DSCAM: variants seen among roughly 807,000 people sequenced by gnomAD.
DSCAM encodes the protein DS cell adhesion molecule, also known as cell adhesion molecule DSCAM.
Under a neutral mutation model 217.7 loss-of-function variants are expected in DSCAM, and 47 were observed. The ratio of observed to expected loss-of-function variants is 0.22; its 90% CI spans 0.17 to 0.28. DSCAM has a LOEUF of 0.28. DSCAM is among the 10% of genes least tolerant of loss of function. The pLI is 1.00. For missense variants in DSCAM, 2,080 were observed against 2,618.3 expected (o/e 0.79, Z 4.49); for synonymous variants, 1,056 against 1,015.3 (o/e 1.04, Z -0.76).
chr21:40,461,453 C>T (rs998169589), intron 3 of DSCAM, among the ~76,000 whole-genome samples: 2 of 152,110 alleles, frequency 1.3e-5, no homozygotes, highest in Non-Finnish European at 2.9e-5. Flanking sequence ...CCCTGGGTTC[C>T]AGCAGTTTAG....
intron 30 of DSCAM, among the ~76,000 whole-genome samples, chr21:40,049,399 G>T (rs2088892681): frequency 6.6e-6 from 1 of 152,106 alleles, no homozygotes; most frequent in African/African-American, 2.4e-5. Flanking sequence ...CTCTGATCTT[G>T]TTTCATGTCT....
intron 31 of DSCAM, 144 bp from the exon 32 acceptor site, chr21:40,042,817 T>C: frequency 1.3e-6 from 1 of 762,904 alleles, no homozygotes; most frequent in South Asian, 1.9e-5. Context: ...CGGAGGCTCC[T>C]GCCTTAGGCA....
rs541069289 is a variant in DSCAM at position 40,570,183 on chromosome 21, CCA to C, written c.508+122625_508+122626del. 8.9e-4 allele frequency among the ~76,000 whole-genome samples: 135 copies of C among 152,250 alleles called. 1 individual carries two copies. The highest frequency in any genetic ancestry group is 8.8e-3 in the Admixed American group (135 of 15,298). On this transcript the variant is annotated intron_variant, in intron 3 of 32. Transcript: ENST00000400454. The stretch of plus-strand genomic sequence containing the variant: ...AAGCTGTAAAGCAGAAAGAGATCTC[CCA>C]CAGTTTGGAAAGCTGGTTACTGGTC...
chr21:40,019,944 C>T (rs886410372), intron 32 of DSCAM, among the ~76,000 whole-genome samples: 1 of 152,174 alleles, frequency 6.6e-6, no homozygotes, highest in Non-Finnish European at 1.5e-5. Flanking sequence ...CTCCTTCTTT[C>T]CCTTCCTCCT....
At chr21:40,752,971 C>T (rs1056315935) in intron 1 of DSCAM, among the ~76,000 whole-genome samples, 1 of 152,176 alleles carries the variant, frequency 6.6e-6, no homozygotes, top group African/African-American at 2.4e-5. Context: ...TATGGACTTA[C>T]ATGGCTAACA....
chr21:40,536,380 C>T (rs1463070932), intron 3 of DSCAM, among the ~76,000 whole-genome samples: 1 of 151,364 alleles, frequency 6.6e-6, no homozygotes, highest in Non-Finnish European at 1.5e-5. Flanking sequence ...ATTTTGAAAA[C>T]CAAAGCTGAC....
chr21:40,047,042 T>C (rs901807039), intron 30 of DSCAM, among the ~76,000 whole-genome samples: 1 of 152,132 alleles, frequency 6.6e-6, no homozygotes, highest in Middle Eastern at 3.4e-3. Context: ...TGAGGACAGT[T>C]TTACTGGTGG....
In DSCAM at chr21:40,013,052, T is replaced by C. The variant is rs377324422; in HGVS notation, c.6021A>G (p.Lys2007=). The change falls in exon 33 of 33, where the codon AAA becomes AAG. Residue 2007 remains lysine (K), a synonymous_variant. Transcript: ENST00000400454. Reference sequence around the variant, plus strand: ...CTGTCTGTTATACCAGGGTGTAAGATTTTGCGTAAGGATTGTTTCCTTTCA... The same window carrying C: ...CTGTCTGTTATACCAGGGTGTAAGACTTTGCGTAAGGATTGTTTCCTTTCA... ...GHLKGNNPYA[K]SYTLV 3.8e-5 allele frequency: 58 copies of C among 1,522,538 alleles called. No individual in the cohort carries two copies. The highest frequency in any genetic ancestry group is 5.0e-5 in the Non-Finnish European group (57 of 1,132,282). 94.3% of individuals were successfully genotyped at this position (1,522,538 alleles called of 1,614,324 possible). A position where few individuals can be genotyped will look rare whatever the true frequency, so the allele number is the denominator to read the frequency against.
intron 1 of DSCAM, among the ~76,000 whole-genome samples, chr21:40,789,320 G>A (rs780090617): frequency 1.1e-4 from 17 of 151,666 alleles, no homozygotes; most frequent in Non-Finnish European, 1.9e-4. Flanking sequence ...TAATCTTTTG[G>A]CTCCAAAGAA....
intron 3 of DSCAM, among the ~76,000 whole-genome samples, chr21:40,442,585 T>C (rs2075641086): frequency 6.9e-6 from 1 of 144,468 alleles, no homozygotes; most frequent in Non-Finnish European, 1.5e-5. Context: ...AGTGGCACGA[T>C]CTCGGCTCAC....
intron 1 of DSCAM, among the ~76,000 whole-genome samples, chr21:40,799,188 G>A (rs548433800): frequency 7.2e-5 from 11 of 152,224 alleles, no homozygotes; most frequent in Admixed American, 2.6e-4. Flanking sequence ...CAAAATACCT[G>A]TTTTACTCTG....
Position 40,670,626 on chromosome 21 carries a change from C to T in DSCAM, c.508+22184G>A, listed in dbSNP as rs145660997. On this transcript the variant is annotated intron_variant, in intron 3 of 32. Coordinates refer to ENST00000400454, the MANE Select transcript of DSCAM (RefSeq NM_001389.5). ...TTTGTGACACGCTTATTTCACTTAG[C>T]GTAATACCCTCAAGATTGTTGTGGC... Among the ~76,000 whole-genome samples, 24 of 151,968 alleles carry T rather than the reference C, an allele frequency of 1.6e-4. No individual in the cohort carries two copies. The East Asian group carries it at 3.7e-3, about 23-fold the overall frequency.
chr21:40,055,272 A>C (rs751110086), intron 29 of DSCAM, among the ~76,000 whole-genome samples: 5 of 151,832 alleles, frequency 3.3e-5, no homozygotes, highest in Non-Finnish European at 5.9e-5. Context: ...GTGTTTGTTT[A>C]AGTGTTAAGT....
At chr21:40,522,583 G>C (rs2146091201) in intron 3 of DSCAM, among the ~76,000 whole-genome samples, 1 of 152,274 alleles carries the variant, frequency 6.6e-6, no homozygotes, top group East Asian at 1.9e-4. Flanking sequence ...TACTCTGTGA[G>C]TCCTTTAGTT....
At chr21:40,630,740 T>C (rs1454588405) in intron 3 of DSCAM, 1 of 152,306 alleles carries the variant, frequency 6.6e-6, no homozygotes, top group African/African-American at 2.4e-5. Flanking sequence ...GAAAAGTGCA[T>C]GTAGACCCCA....
At chr21:40,334,800 A>C (rs1260221946) in intron 8 of DSCAM, among the ~76,000 whole-genome samples, 2 of 152,008 alleles carry the variant, frequency 1.3e-5, no homozygotes, top group Admixed American at 1.3e-4. Flanking sequence ...GGCTCGTCCC[A>C]CCTTGCCTGG....
chr21:40,084,761 C>G (rs1207552172), intron 23 of DSCAM, among the ~76,000 whole-genome samples: 2 of 151,990 alleles, frequency 1.3e-5, no homozygotes, highest in East Asian at 3.9e-4. Flanking sequence ...AATATATTGA[C>G]CTATCTCTTC....
rs1568981552 is a variant in DSCAM at position 40,682,660 on chromosome 21, AGCGG to A, written c.508+10146_508+10149del. Among the ~76,000 whole-genome samples the A allele has an allele frequency of 3.3e-3, 134 of 40,778 alleles. 2 individuals are homozygous for A. Among genetic ancestry groups the A allele is most frequent in the South Asian group, 6.1e-3 (4 of 658 alleles). The allele number at this position is 40,778 out of a possible 152,430, so 26.8% of individuals were successfully genotyped here. A position where few individuals can be genotyped will look rare whatever the true frequency, so the allele number is the denominator to read the frequency against. On this transcript the variant is annotated intron_variant, in intron 3 of 32. Transcript: ENST00000400454. ...AAGAAAGAGGAAGGGAAGGGAAGGG[AGCGG>A]AGGGGGAGGGGAGGGGAGGGGAAGG...
chr21:40,374,603 G>A (rs2074931676), intron 3 of DSCAM, among the ~76,000 whole-genome samples: 1 of 152,228 alleles, frequency 6.6e-6, no homozygotes, highest in Non-Finnish European at 1.5e-5. Context: ...TTGGGGAAAG[G>A]AGGATCACAG....
Sources: gnomAD v4.1 joint callset for allele counts (sites outside exome capture counted in the v4.1 genomes callset) on GRCh38, gnomAD v4.1.1 for gene constraint, MANE v1.5 for transcripts, NCBI Gene and HGNC (gene_info 2026-07-23, HGNC 2026-07-21) for gene names.